The following HYKK variants were observed in gnomAD, a reference collection of about 807,000 sequenced individuals.
The protein encoded by HYKK is hydroxylysine kinase.
HYKK carries 19 observed loss-of-function variants against 29.7 expected under a neutral mutation model. The ratio of observed to expected loss-of-function variants is 0.64; its 90% confidence interval spans 0.45 to 0.94. HYKK has a LOEUF of 0.94. Among genes scored for constraint, HYKK ranks in the 40% least tolerant of loss-of-function variants. The probability of loss-of-function intolerance (pLI) is 0.00; values close to 1 mark genes in which losing one functional copy is unlikely to be tolerated. For synonymous variants in HYKK, 152 were observed against 158.1 expected, an observed-to-expected ratio of 0.96 and a Z score of 0.29; for missense variants, 390 against 443.4, an observed-to-expected ratio of 0.88 and a Z score of 1.08.
intron 3 of HYKK, among the ~76,000 whole-genome samples, chr15:78,515,998 C>T (rs1233809522): frequency 6.6e-6 from 1 of 152,128 alleles, no homozygotes; most frequent in Non-Finnish European, 1.5e-5. Context: ...TGAAAACAGT[C>T]AATATTCACA....
chr15:78,512,816 G>A (rs866984807), intron 1 of HYKK, among the ~76,000 whole-genome samples: 2 of 152,220 alleles, frequency 1.3e-5, no homozygotes, highest in Non-Finnish European at 2.9e-5. Context: ...AATGGACGAA[G>A]TGATACCAAG....
intron 4 of HYKK, among the ~76,000 whole-genome samples, chr15:78,530,399 A>G (rs910027558): frequency 1.3e-5 from 2 of 151,978 alleles, no homozygotes; most frequent in African/African-American, 4.8e-5. Flanking sequence ...GGGTATTTAG[A>G]AGTATAAATC....
chr15:78,526,394 G>A (rs1192093614), intron 3 of HYKK, among the ~76,000 whole-genome samples: 5 of 152,168 alleles, frequency 3.3e-5, no homozygotes, highest in South Asian at 2.1e-4. Flanking sequence ...AAGCAGAGAC[G>A]ACAGGTACAA....
chr15:78,528,478 G>A (rs2141363292), intron 4 of HYKK: 1 of 985,378 alleles, frequency 1.0e-6, no homozygotes, highest in Non-Finnish European at 1.2e-6. Context: ...GATATAACCA[G>A]CCTTTTCATC....
chr15:78,514,994 T>C lies in HYKK; in HGVS notation c.364T>C (p.Leu122=), dbSNP rs550378967. The C allele has an allele frequency of 1.3e-6, 2 of 1,580,692 alleles. 1 individual carries two copies. The highest frequency in any genetic ancestry group is 4.7e-5 in the East Asian group (2 of 42,684). Residue 122 remains leucine (L), a synonymous_variant, in exon 3 of 5, where the codon TTG becomes CTG. Coordinates refer to ENST00000388988, the MANE Select transcript of HYKK (RefSeq NM_001013619.4). ...TAGTGGCTCTGAAATCAAAAGCTAC[T>C]TGGTGAGGCTGCTGACTTACCTCCC... ...VDSGSEIKSY[L]VRLLTYLPGR... is the part of the protein sequence containing the mutation.
At chr15:78,525,561 G>A (rs1397193458) in intron 3 of HYKK, among the ~76,000 whole-genome samples, 3 of 151,718 alleles carry the variant, frequency 2.0e-5, no homozygotes, top group South Asian at 2.1e-4. Context: ...GCAGTGGCGC[G>A]ATCTCAGCTC....
chr15:78,530,688 G>A (rs948132291), intron 4 of HYKK, among the ~76,000 whole-genome samples: 1 of 151,896 alleles, frequency 6.6e-6, no homozygotes, highest in Non-Finnish European at 1.5e-5. Flanking sequence ...TGGGGCTACA[G>A]GCATGCATTA....
chr15:78,527,285 CAAAAAAA>C (rs564443255), intron 3 of HYKK, 88 bp from the exon 4 acceptor site: 29 of 761,106 alleles, frequency 3.8e-5, no homozygotes, highest in South Asian at 5.9e-5. Flanking sequence ...GACTCTGTCT[CAAAAAAA>C]AAAAAAAAAA....
At chr15:78,529,682 C>A (rs150667600) in intron 4 of HYKK, among the ~76,000 whole-genome samples, 2 of 152,254 alleles carry the variant, frequency 1.3e-5, no homozygotes, top group East Asian at 3.9e-4. Flanking sequence ...CAAATCAAGT[C>A]TTTGGCCTTT....
chr15:78,527,001 C>T (rs184476766), intron 3 of HYKK, among the ~76,000 whole-genome samples: 1 of 151,874 alleles, frequency 6.6e-6, no homozygotes, highest in Admixed American at 6.6e-5. Flanking sequence ...ACCGGCCGGG[C>T]GAGGTGGCTC....
rs778549097 is a variant in HYKK, at chr15:78,527,464, C to T, written c.562C>T (p.Leu188=). ...LKNVPLLEKY[L]YALGQNRNRE... ...AAATGTTCCTCTTCTGGAGAAATAC[C>T]TGTATGCCCTGGGCCAGAATCGAAA... Residue 188 remains leucine, a synonymous_variant, in exon 4 of 5, where the codon CTG becomes TTG. Transcript: ENST00000388988. 2.5e-6 allele frequency: 4 copies of T among 1,614,032 alleles called. No homozygotes were observed. The highest frequency in any genetic ancestry group is 3.3e-4 in the Middle Eastern group (2 of 6,060).
intron 3 of HYKK, among the ~76,000 whole-genome samples, chr15:78,522,233 C>T (rs1190828145): frequency 1.3e-5 from 2 of 152,146 alleles, no homozygotes; most frequent in Non-Finnish European, 2.9e-5. Flanking sequence ...CAATCCCACA[C>T]TCCAAAAGTA....
intron 4 of HYKK, chr15:78,528,398 G>T: frequency 1.0e-6 from 1 of 984,880 alleles, no homozygotes; most frequent in Non-Finnish European, 1.2e-6. Context: ...AAAAGGTTGG[G>T]AACTACTGCT....
intron 3 of HYKK, among the ~76,000 whole-genome samples, chr15:78,524,766 G>A (rs577569437): frequency 1.3e-4 from 20 of 152,126 alleles, no homozygotes; most frequent in East Asian, 3.9e-4. Context: ...CCAGGATCGC[G>A]CCACTGCACT....
chr15:78,513,154 C>G lies in HYKK; in HGVS notation c.66C>G (p.Ala22=), dbSNP rs2052091460. ...LSKPTFSEEQ[A]SALVESVFGL... ...AACCCACTTTCAGTGAGGAACAAGCCTCTGCGTTAGTGGAGTCAGTGTTTG... is the reference window on the plus strand; with the variant it reads ...AACCCACTTTCAGTGAGGAACAAGCGTCTGCGTTAGTGGAGTCAGTGTTTG... The change falls in exon 2 of 5, where the codon GCC becomes GCG. Residue 22 remains alanine, a synonymous_variant. Coordinates refer to ENST00000388988, the MANE Select transcript of HYKK (RefSeq NM_001013619.4). 6.2e-7 allele frequency: 1 copy of G among 1,614,104 alleles called. No homozygotes were observed. The highest frequency in any genetic ancestry group is 1.3e-5 in the African/African-American group (1 of 75,036).
intron 3 of HYKK, among the ~76,000 whole-genome samples, chr15:78,521,887 C>T (rs1482809104): frequency 6.6e-6 from 1 of 152,050 alleles, no homozygotes; most frequent in Non-Finnish European, 1.5e-5. Context: ...TCAATCGTGC[C>T]ATCATTTCAG....
intron 3 of HYKK, among the ~76,000 whole-genome samples, chr15:78,523,650 GAGACA>G (rs2052220715): frequency 1.3e-5 from 2 of 152,120 alleles, no homozygotes; most frequent in Admixed American, 6.6e-5. Flanking sequence ...AGTCTCACCT[GAGACA>G]AGACAAGTAC....
chr15:78,508,880 C>CAACAAAAAAAA (rs2052041883), intron 1 of HYKK, among the ~76,000 whole-genome samples: 1 of 55,614 alleles, frequency 1.8e-5, no homozygotes, highest in African/African-American at 7.4e-5. Flanking sequence ...CCTCTCTCTC[C>CAACAAAAAAAA]AAAAAAAAAA....
chr15:78,524,900 C>T (rs1169916883), intron 3 of HYKK, among the ~76,000 whole-genome samples: 1 of 152,156 alleles, frequency 6.6e-6, no homozygotes, highest in African/African-American at 2.4e-5. Context: ...TAGTGCTAAA[C>T]CATTCATAAG....
Sources: gnomAD v4.1 joint callset for allele counts (sites outside exome capture counted in the v4.1 genomes callset) on GRCh38, gnomAD v4.1.1 for gene constraint, MANE v1.5 for transcripts, NCBI Gene and HGNC (gene_info 2026-07-23, HGNC 2026-07-21) for gene names.